Variants in UROC1 observed in about 807,000 individuals in gnomAD.
The protein encoded by UROC1 is urocanate hydratase 1, also known as urocanate hydratase.
Under a neutral mutation model 89.5 loss-of-function variants are expected in UROC1, and 79 were observed. The observed-to-expected ratio is 0.88, with a 90% CI of 0.74 to 1.06. The LOEUF is 1.06. Ranked by LOEUF, UROC1 falls within the 50% of genes least tolerant of loss-of-function variation. The pLI is 0.00. For synonymous variants in UROC1, 361 were observed against 354.8 expected (o/e 1.02, Z -0.20); for missense variants, 885 against 907.8 (o/e 0.97, Z 0.32).
chr3:126,503,462 T>C (rs534708658), intron 9 of UROC1, among the ~76,000 whole-genome samples: 2 of 152,326 alleles, frequency 1.3e-5, no homozygotes, highest in South Asian at 4.1e-4. Flanking sequence ...TCTGAAGACT[T>C]TGCCTAGGGT....
intron 15 of UROC1, among the ~76,000 whole-genome samples, chr3:126,492,830 C>CAGGG (rs1312705563): frequency 1.3e-5 from 2 of 152,190 alleles, no homozygotes; most frequent in Non-Finnish European, 2.9e-5. Context: ...ATCTGTGCTC[C>CAGGG]AGGGAGGTTA....
chr3:126,496,765 A>C lies in UROC1; in HGVS notation c.1439-657T>G, dbSNP rs147956358. Among the ~76,000 whole-genome samples the C allele has an allele frequency of 6.3e-3, 959 of 152,284 alleles. 11 individuals are homozygous for C. Among genetic ancestry groups the C allele is most frequent in the Non-Finnish European group, 8.0e-3 (547 of 68,008 alleles). On this transcript the variant is annotated intron_variant, in intron 14 of 19. Transcript: ENST00000290868. ...TCATTAAAATTTTAAATAAGCTTAC[A>C]CTTTTACCAAATTATATTAAAATGA...
intron 13 of UROC1, 35 bp downstream of exon 13, chr3:126,499,302 G>A: frequency 6.2e-7 from 1 of 1,605,466 alleles, no homozygotes; most frequent in Non-Finnish European, 8.5e-7. Context: ...GGGTGGCACT[G>A]GGCACACTAG....
At chr3:126,501,715 G>T in intron 9 of UROC1, 1 of 1,457,028 alleles carries the variant, frequency 6.9e-7, no homozygotes, top group Non-Finnish European at 9.3e-7. Context: ...ATTTGAACAG[G>T]CCTTGCAGGT....
Position 126,500,704 on chromosome 3 carries a change from A to C in UROC1, c.1136T>G (p.Val379Gly), listed in dbSNP as rs770753240. The stretch of plus-strand genomic sequence containing the variant: ...CAACTCCAAGTAGCACCTTTCCTGG[A>C]CCAGGTCCTTGAACACAGCAGGGTT... ...ASNPAVFKDL[V>G]QESLRRQVSA... Residue 379 changes from valine (V) to glycine (G), a missense_variant, in exon 11 of 20, where the codon GTC (valine) becomes GGC (glycine). Physicochemically the swap from Val to Gly is moderately radical, Grantham distance 109. Coordinates refer to ENST00000290868, the MANE Select transcript of UROC1 (RefSeq NM_144639.3). 3.1e-6 allele frequency: 5 copies of C among 1,613,962 alleles called. No homozygotes were observed.
chr3:126,498,284 C>A lies in UROC1; in HGVS notation c.1317-112G>T, dbSNP rs937923483. 8.9e-6 allele frequency: 14 copies of A among 1,574,584 alleles called. No individual in the cohort carries two copies. The Middle Eastern group carries it at 6.7e-4, about 75-fold the overall frequency. On this transcript the variant is annotated intron_variant, in intron 13 of 19. Transcript: ENST00000290868. ...CAGCATCCAGAAGTCAGGTGTGGAA[C>A]CCCCTAAGCTGTCATTGGACAGAAA...
At chr3:126,492,631 G>A in intron 15 of UROC1, 115 bp from the exon 16 acceptor site, 1 of 742,108 alleles carries the variant, frequency 1.3e-6, no homozygotes, top group Non-Finnish European at 2.2e-6. Flanking sequence ...TTGGCAGCCT[G>A]AGCGCCTAAC....
intron 1 of UROC1, 140 bp downstream of exon 1, chr3:126,517,454 G>A (rs372798833): frequency 5.3e-5 from 70 of 1,324,720 alleles, no homozygotes; most frequent in Middle Eastern, 2.2e-4. Context: ...CATTGCACCC[G>A]CACAGGCTGG....
intron 18 of UROC1, among the ~76,000 whole-genome samples, chr3:126,483,883 A>T (rs1055698942): frequency 1.3e-5 from 2 of 151,930 alleles, no homozygotes; most frequent in Non-Finnish European, 2.9e-5. Flanking sequence ...TTTTATCTTT[A>T]AAAAAAATAT....
intron 19 of UROC1, among the ~76,000 whole-genome samples, chr3:126,482,886 C>T (rs1935421163): frequency 2.0e-5 from 3 of 152,064 alleles, no homozygotes; most frequent in African/African-American, 4.8e-5. Flanking sequence ...GCCATTCTTG[C>T]CACCCCCGCC....
At chr3:126,500,963 T>G in intron 10 of UROC1, 89 bp from the exon 11 acceptor site, 2 of 1,544,546 alleles carry the variant, frequency 1.3e-6, no homozygotes, top group Non-Finnish European at 1.8e-6. Flanking sequence ...TAGCACATTT[T>G]CCCACCCACA....
chr3:126,510,765 G>C lies in UROC1; in HGVS notation c.156C>G (p.Phe52Leu). ...QLALRNALRY[F>L]PPDVQELLAP... is the part of the protein sequence containing the mutation. ...CCAGCAGCTCCTGGACATCCGGGGG[G>C]AAGTAGCGCAGGGCGTTCCTCAGCG... Residue 52 changes from phenylalanine (F) to leucine (L), a missense_variant, in exon 2 of 20, where the codon TTC becomes TTG. Phe to Leu is a conservative substitution (Grantham distance 22). Transcript: ENST00000290868. 3 of 1,613,974 alleles carry C rather than the reference G, an allele frequency of 1.9e-6. No individual in the cohort carries two copies. Among genetic ancestry groups the C allele is most frequent in the Non-Finnish European group, 2.5e-6 (3 of 1,180,034 alleles).
At chr3:126,497,657 G>A (rs1201968477) in intron 14 of UROC1, among the ~76,000 whole-genome samples, 1 of 152,212 alleles carries the variant, frequency 6.6e-6, no homozygotes, top group African/African-American at 2.4e-5. Context: ...GCTGCGGGCT[G>A]CCCAGAAAGC....
At chr3:126,490,445 G>C (rs934228764) in intron 16 of UROC1, among the ~76,000 whole-genome samples, 1 of 152,132 alleles carries the variant, frequency 6.6e-6, no homozygotes, top group African/African-American at 2.4e-5. Flanking sequence ...GTAACACTTC[G>C]GGAGGCCAAG....
Position 126,488,190 on chromosome 3 carries a change from CT to C in UROC1, c.1790+7del. 6.2e-7 allele frequency: 1 copy of C among 1,614,220 alleles called. No individual in the cohort carries two copies. The highest frequency in any genetic ancestry group is 1.1e-5 in the South Asian group (1 of 91,086). ...CAGCCCACACCCTGTCCTCTGAAAC[CT>C]TCTTACCAGCCCACGCCCCCTCCGT... On this transcript the variant is annotated splice_region_variant and intron_variant, in intron 18 of 19. Transcript: ENST00000290868.
chr3:126,508,168 C>A, intron 4 of UROC1, 73 bp from the exon 5 acceptor site: 1 of 1,611,110 alleles, frequency 6.2e-7, no homozygotes, highest in South Asian at 1.1e-5. Flanking sequence ...CACCACCGTC[C>A]ACGCCTGGAC....
At chr3:126,497,207 G>A (rs1022725970) in intron 14 of UROC1, among the ~76,000 whole-genome samples, 1 of 152,242 alleles carries the variant, frequency 6.6e-6, no homozygotes, top group Non-Finnish European at 1.5e-5. Flanking sequence ...GCAGCAGGGT[G>A]TAAGGGCCCT....
intron 18 of UROC1, among the ~76,000 whole-genome samples, chr3:126,487,338 A>C (rs1450283490): frequency 6.6e-6 from 1 of 152,236 alleles, no homozygotes; most frequent in Non-Finnish European, 1.5e-5. Flanking sequence ...CCCAATAGCC[A>C]GGCAGCCCTT....
At chr3:126,492,777 C>A (rs1309590388) in intron 15 of UROC1, among the ~76,000 whole-genome samples, 3 of 152,190 alleles carry the variant, frequency 2.0e-5, no homozygotes, top group South Asian at 2.1e-4. Flanking sequence ...ACACCTCCCC[C>A]AATCCCAGAT....
Sources: allele counts gnomAD v4.1 joint callset (sites outside exome capture counted in the v4.1 genomes callset), GRCh38; gene constraint gnomAD v4.1.1; transcripts MANE v1.5; gene names NCBI Gene and HGNC (gene_info 2026-07-23, HGNC 2026-07-21).